The following ESPNL variants were observed in gnomAD, a reference collection of about 807,000 sequenced individuals.
The protein encoded by ESPNL is espin like.
Under a neutral mutation model 46.8 loss-of-function variants are expected in ESPNL, and 49 were observed. The ratio of observed to expected loss-of-function variants is 1.05; its 90% CI spans 0.83 to 1.33. The LOEUF is 1.33. Among genes scored for constraint, ESPNL ranks in the 40% most tolerant of loss-of-function variants. The pLI is 0.00. For synonymous variants in ESPNL, 664 were observed against 662.1 expected, an observed-to-expected ratio of 1.00 and a Z score of -0.04; for missense variants, 1,540 against 1,436.6, an observed-to-expected ratio of 1.07 and a Z score of -1.16.
chr2:238,126,422 G>A (rs1016869354), intron 6 of ESPNL, among the ~76,000 whole-genome samples: 1 of 151,264 alleles, frequency 6.6e-6, no homozygotes, highest in Admixed American at 6.6e-5. Flanking sequence ...GTGTGTTTGT[G>A]TTTGTGTGTC....
At chr2:238,123,965 C>G (rs1435169870) in intron 5 of ESPNL, among the ~76,000 whole-genome samples, 5 of 152,170 alleles carry the variant, frequency 3.3e-5, no homozygotes, top group Admixed American at 3.3e-4. Context: ...TGTCCATGAG[C>G]AAGGGAGGCT....
At chr2:238,124,637 G>A (rs1692059329) in intron 5 of ESPNL, among the ~76,000 whole-genome samples, 1 of 150,424 alleles carries the variant, frequency 6.6e-6, no homozygotes, top group Non-Finnish European at 1.5e-5. Flanking sequence ...GTGTGTGCAG[G>A]AGAGTGTACG....
chr2:238,131,618 G>A lies in ESPNL; in HGVS notation c.2904G>A (p.Leu968=), dbSNP rs1163202083. Residue 968 remains leucine (L), a synonymous_variant, in exon 9 of 9, where the codon CTG becomes CTA. Transcript: ENST00000343063. ...CSGPEPTAQR[L]GSRSQQGSFN... is the part of the protein sequence containing the mutation. ...GCCCTGAGCCCACAGCACAGCGGCT[G>A]GGGTCCCGCTCCCAGCAGGGCAGCT... is the stretch of plus-strand genomic sequence containing the variant. 2.5e-6 allele frequency: 4 copies of A among 1,611,462 alleles called. No homozygotes were observed. The highest frequency in any genetic ancestry group is 2.2e-5 in the East Asian group (1 of 44,820).
intron 8 of ESPNL, chr2:238,129,278 C>T: frequency 8.9e-7 from 1 of 1,117,830 alleles, no homozygotes; most frequent in Non-Finnish European, 1.1e-6. Flanking sequence ...GTGGAGAAAG[C>T]AAAGCAGTTG....
chr2:238,102,811 G>A (rs965656982), intron 2 of ESPNL, among the ~76,000 whole-genome samples: 3 of 152,170 alleles, frequency 2.0e-5, no homozygotes, highest in African/African-American at 7.2e-5. Flanking sequence ...TTGGCTGAGG[G>A]CGAACCTTCC....
At chr2:238,126,056 A>G (rs1025441821) in intron 6 of ESPNL, among the ~76,000 whole-genome samples, 6 of 140,646 alleles carry the variant, frequency 4.3e-5, no homozygotes, top group African/African-American at 1.6e-4. Flanking sequence ...GTCTGTGTGT[A>G]TGTGTGTGAT....
chr2:238,107,659 G>A, intron 3 of ESPNL, 132 bp from the exon 4 acceptor site: 2 of 929,644 alleles, frequency 2.2e-6, no homozygotes, highest in Non-Finnish European at 3.2e-6. Flanking sequence ...CCTGTCCGGG[G>A]TTTCCTGAGG....
At chr2:238,104,505 G>C in intron 2 of ESPNL, 151 bp from the exon 3 acceptor site, 1 of 892,348 alleles carries the variant, frequency 1.1e-6, no homozygotes, top group South Asian at 2.0e-5. Context: ...GAGCAACCTG[G>C]AGGGGGGAAC....
chr2:238,115,919 G>A (rs377435728), intron 4 of ESPNL, among the ~76,000 whole-genome samples: 1 of 152,170 alleles, frequency 6.6e-6, no homozygotes, highest in African/African-American at 2.4e-5. Context: ...TGATCCACCC[G>A]CCTTGGCCTC....
rs1431873390 is a variant in ESPNL at position 238,130,441 on chromosome 2, C to T, written c.1727C>T (p.Ser576Phe). 1.8e-5 allele frequency: 29 copies of T among 1,605,116 alleles called. No individual in the cohort carries two copies. Among genetic ancestry groups the T allele is most frequent in the Non-Finnish European group, 2.5e-5 (29 of 1,176,704 alleles). ...ATCCCAGCGGCTGAGCCCGCAGGGT[C>T]TGCGGAGGCCTCAGAGGTGGCCCCC... The part of the protein sequence containing the change: ...ASIPAAEPAG[S>F]AEASEVAPGV... Residue 576 changes from serine (S) to phenylalanine (F), a missense_variant, in exon 9 of 9, where the codon TCT becomes TTT. Ser to Phe is a radical substitution (Grantham distance 155). Transcript: ENST00000343063.
intron 4 of ESPNL, among the ~76,000 whole-genome samples, chr2:238,110,772 T>C (rs893955589): frequency 6.6e-6 from 1 of 151,978 alleles, no homozygotes; most frequent in Non-Finnish European, 1.5e-5. Flanking sequence ...GGATCCCATT[T>C]AGGATGCCAT....
intron 5 of ESPNL, among the ~76,000 whole-genome samples, chr2:238,117,352 T>C (rs114673688): frequency 0.011 from 1,744 of 152,300 alleles, 36 homozygotes; most frequent in African/African-American, 0.04. Flanking sequence ...CCTGGGGCCA[T>C]GGCTGTGGCC....
At chr2:238,124,699 A>C (rs780222279) in intron 5 of ESPNL, among the ~76,000 whole-genome samples, 1 of 64,222 alleles carries the variant, frequency 1.6e-5, no homozygotes. Flanking sequence ...GAGTACGTGC[A>C]TGTGTGTGCA....
At chr2:238,129,366 G>A (rs922752947) in intron 8 of ESPNL, 7 of 598,450 alleles carry the variant, frequency 1.2e-5, no homozygotes, top group Non-Finnish European at 1.3e-5. Context: ...GGAAGAGAGG[G>A]GGAGCCCTGT....
chr2:238,131,267 C>T lies in ESPNL; in HGVS notation c.2553C>T (p.Ser851=), dbSNP rs1156552425. Residue 851 remains serine, a synonymous_variant, in exon 9 of 9, where the codon AGC becomes AGT. Coordinates refer to ENST00000343063, the MANE Select transcript of ESPNL (RefSeq NM_194312.4). ...TGGACGGGGCTCCGGTGCCCTACAG[C>T]AGCCTCTCACTGGATCTCTTCATGC... ...PHVDGAPVPY[S]SLSLDLFMLG... 2 of 1,577,550 alleles carry T rather than the reference C, an allele frequency of 1.3e-6. No homozygotes were observed. The highest frequency in any genetic ancestry group is 1.7e-6 in the Non-Finnish European group (2 of 1,163,824).
At chr2:238,120,340 A>G (rs1691958403) in intron 5 of ESPNL, among the ~76,000 whole-genome samples, 1 of 152,066 alleles carries the variant, frequency 6.6e-6, no homozygotes, top group Non-Finnish European at 1.5e-5. Context: ...AGGTGGGGAC[A>G]GCAGCAGCTC....
intron 6 of ESPNL, among the ~76,000 whole-genome samples, chr2:238,126,649 A>AT (rs1447149753): frequency 4.5e-5 from 5 of 111,864 alleles, no homozygotes; most frequent in Admixed American, 1.7e-4. Flanking sequence ...TTTCTGTGTG[A>AT]TTGTGTCTGT....
intron 5 of ESPNL, among the ~76,000 whole-genome samples, chr2:238,118,781 AGATGGAGGAGGGTG>A (rs1691895681): frequency 1.3e-4 from 2 of 15,248 alleles, no homozygotes; most frequent in South Asian, 3.3e-3. Context: ...GGAGGAGGGG[AGATGGAGGAGGGTG>A]GATGGAGGAG....
chr2:238,128,399 G>C (rs891491139), intron 7 of ESPNL, among the ~76,000 whole-genome samples: 1 of 152,224 alleles, frequency 6.6e-6, no homozygotes, highest in South Asian at 2.1e-4. Context: ...CCAGGGATAC[G>C]GTGCGCTCCG....
Sources: gnomAD v4.1 joint callset for allele counts (sites outside exome capture counted in the v4.1 genomes callset) on GRCh38, gnomAD v4.1.1 for gene constraint, MANE v1.5 for transcripts, NCBI Gene and HGNC (gene_info 2026-07-23, HGNC 2026-07-21) for gene names.